Variants in MADCAM1 observed in about 807,000 individuals in gnomAD.
The protein encoded by MADCAM1 is mucosal addressin cell adhesion molecule 1.
Under a neutral mutation model 26.1 loss-of-function variants are expected in MADCAM1, and 19 were observed. The observed-to-expected ratio is 0.73, with a 90% CI of 0.51 to 1.07. MADCAM1 has a LOEUF of 1.07. Ranked by LOEUF, MADCAM1 falls within the 50% of genes least tolerant of loss-of-function variation. The pLI, the probability that MADCAM1 is intolerant of heterozygous loss-of-function variation, is 0.00. For missense variants in MADCAM1, 514 were observed against 542.1 expected, an observed-to-expected ratio of 0.95 and a Z score of 0.51; for synonymous variants, 268 against 260.9, an observed-to-expected ratio of 1.03 and a Z score of -0.26.
At position 499,560 on chromosome 19, in the gene MADCAM1, G is replaced by A. The variant is rs140012505; in HGVS notation, c.667+735G>A. Reference sequence around the variant, plus strand: ...CACAGGCACACGCGTGTACAAACACGCACACGCGTGTGAGCCCCCTTTCCC... The same window carrying A: ...CACAGGCACACGCGTGTACAAACACACACACGCGTGTGAGCCCCCTTTCCC... On this transcript the variant is annotated intron_variant, in intron 3 of 4. Coordinates refer to ENST00000215637, the MANE Select transcript of MADCAM1 (RefSeq NM_130760.3). Among the ~76,000 whole-genome samples the A allele has an allele frequency of 9.6e-3, 1,456 of 152,286 alleles. 24 individuals carry two copies. Among genetic ancestry groups the A allele is most frequent in the African/African-American group, 0.032 (1,310 of 41,526 alleles).
In MADCAM1 at chr19:501,941, T is replaced by A; in HGVS notation, c.928+12T>A. 1 of 659,034 alleles carries A rather than the reference T, an allele frequency of 1.5e-6. No individual in the cohort carries two copies. Among genetic ancestry groups the A allele is most frequent in the Non-Finnish European group, 2.5e-6 (1 of 402,910 alleles). 40.8% of individuals were successfully genotyped at this position (659,034 alleles called of 1,614,324 possible). On this transcript the variant is annotated intron_variant, in intron 4 of 4. Coordinates refer to ENST00000215637, the MANE Select transcript of MADCAM1 (RefSeq NM_130760.3). ...GATCCCAACAGGCTGTGAGTTCTGG[T>A]CCCTGGGGGCAGGGAGGGTGGGAAG...
In MADCAM1 at chr19:497,862, G is replaced by C. The variant is rs1978292804; in HGVS notation, c.82G>C (p.Val28Leu). 1.5e-6 allele frequency: 2 copies of C among 1,338,382 alleles called. No homozygotes were observed. Among genetic ancestry groups the C allele is most frequent in the African/African-American group, 3.1e-5 (2 of 64,906 alleles). 82.9% of individuals were successfully genotyped at this position (1,338,382 alleles called of 1,614,324 possible). A position where few individuals can be genotyped will look rare whatever the true frequency, so the allele number is the denominator to read the frequency against. Residue 28 changes from valine to leucine, a missense_variant, in exon 2 of 5, where the codon GTG becomes CTG. Transcript: ENST00000215637. ...GQSLQVKPLQ[V>L]EPPEPVVAVA... ...GTCCCTCCAGGTGAAGCCCCTGCAG[G>C]TGGAGCCCCCGGAGCCGGTGGTGGC...
At chr19:499,195 T>TC (rs1466828402) in intron 3 of MADCAM1, 1 of 498,840 alleles carries the variant, frequency 2.0e-6, no homozygotes, top group Non-Finnish European at 3.9e-6. Flanking sequence ...TCCTCGCTGT[T>TC]CCTCCAACAC....
Position 504,925 on chromosome 19 carries a change from G to A in MADCAM1, c.1109G>A (p.Gly370Glu), listed in dbSNP as rs768298980. The change falls in exon 5 of 5, where the codon GGG (glycine) becomes GAG (glutamate). Residue 370 changes from glycine (G) to glutamate (E), a missense_variant. Coordinates refer to ENST00000215637, the MANE Select transcript of MADCAM1 (RefSeq NM_130760.3). ...RLLPQVSAWA[G>E]LRGTGQVGIS... The stretch of plus-strand genomic sequence containing the variant: ...CTGCCCCAGGTGTCGGCCTGGGCTG[G>A]GTTAAGGGGGACCGGCCAGGTCGGG... The A allele has an allele frequency of 6.2e-7, 1 of 1,607,118 alleles. No individual in the cohort carries two copies. Among genetic ancestry groups the A allele is most frequent in the South Asian group, 1.1e-5 (1 of 90,996 alleles).
At chr19:497,105 T>G (rs909274395) in intron 1 of MADCAM1, among the ~76,000 whole-genome samples, 25 of 2,370 alleles carry the variant, frequency 0.011, no homozygotes, top group African/African-American at 0.013. Flanking sequence ...CGCAGGAGAG[T>G]GGAGGGGGCT....
At chr19:504,665 GC>G in intron 4 of MADCAM1, 79 bp from the exon 5 acceptor site, 1 of 981,578 alleles carries the variant, frequency 1.0e-6, no homozygotes, top group Non-Finnish European at 1.5e-6. Flanking sequence ...AGCACGTGTA[GC>G]CTCTGAGGGG....
chr19:502,048 C>A, intron 4 of MADCAM1, 119 bp downstream of exon 4: 2 of 1,108,238 alleles, frequency 1.8e-6, no homozygotes, highest in Non-Finnish European at 2.4e-6. Flanking sequence ...GTCTGCCCAG[C>A]CTCAGTTTCC....
rs1234746978 is a variant in MADCAM1, at chr19:501,780, C to CCTCCCAGGAGCCTCCCGACACCAG, written c.784_785insAGGAGCCTCCCGACACCAGCTCCC (p.Ser261_Pro262insGlnGluProProAspThrSerSer). On this transcript the variant is annotated inframe_insertion, in exon 4 of 5. Coordinates refer to ENST00000215637, the MANE Select transcript of MADCAM1 (RefSeq NM_130760.3). Reference sequence around the variant, plus strand: ...ACCTCCCAGGAGCCTCCCGACACCACCTCCCCGGAGCCTCCCGACAAGACC... The same window carrying CCTCCCAGGAGCCTCCCGACACCAG: ...ACCTCCCAGGAGCCTCCCGACACCACCTCCCAGGAGCCTCCCGACACCAGCTCCCCGGAGCCTCCCGACAAGACC... The CCTCCCAGGAGCCTCCCGACACCAG allele has an allele frequency of 6.3e-7, 1 of 1,585,948 alleles. No individual in the cohort carries two copies. The highest frequency in any genetic ancestry group is 1.4e-5 in the African/African-American group (1 of 73,950).
intron 1 of MADCAM1, among the ~76,000 whole-genome samples, 153 bp downstream of exon 1, chr19:496,704 T>G (rs1208687651): frequency 2.0e-3 from 1 of 494 alleles, no homozygotes; most frequent in Non-Finnish European, 3.7e-3. Flanking sequence ...CTCAGTAGAG[T>G]GGGGGGGCTC....
At chr19:500,497 A>C (rs762224477) in intron 3 of MADCAM1, among the ~76,000 whole-genome samples, 106 of 152,222 alleles carry the variant, frequency 7.0e-4, no homozygotes, top group Admixed American at 9.2e-4. Context: ...TGGGAGGCTG[A>C]GGTGGGTGGA....
intron 3 of MADCAM1, among the ~76,000 whole-genome samples, chr19:500,916 G>A (rs192088425): frequency 3.9e-5 from 6 of 152,204 alleles, no homozygotes; most frequent in East Asian, 3.9e-4. Context: ...ACAGTAAGCC[G>A]AATAGAAACA....
chr19:500,016 A>G, intron 3 of MADCAM1: 1 of 453,724 alleles, frequency 2.2e-6, no homozygotes. Flanking sequence ...GGGTGGGCAG[A>G]GAGGAGGCTG....
chr19:497,799 C>T (rs1334967057), intron 1 of MADCAM1, 34 bp from the exon 2 acceptor site: 1 of 1,262,496 alleles, frequency 7.9e-7, no homozygotes, highest in Non-Finnish European at 9.9e-7. Flanking sequence ...GTCCGGGACT[C>T]CGCGGGGCTG....
Position 504,800 on chromosome 19 carries a change from G to A in MADCAM1, c.984G>A (p.Val328=). The A allele has an allele frequency of 6.2e-7, 1 of 1,613,044 alleles. No homozygotes were observed. The highest frequency in any genetic ancestry group is 8.5e-7 in the Non-Finnish European group (1 of 1,179,976). ...CGGCTCTGTGGACCAGCAGTGCGGT[G>A]CTGGGACTGCTGCTCCTGGCCTTGC... is the stretch of plus-strand genomic sequence containing the variant. ...LPAALWTSSA[V]LGLLLLALPT... Residue 328 remains valine, a synonymous_variant, in exon 5 of 5, where the codon GTG becomes GTA. Transcript: ENST00000215637.
intron 3 of MADCAM1, among the ~76,000 whole-genome samples, chr19:500,569 A>C (rs1385260927): frequency 1.3e-5 from 2 of 152,056 alleles, no homozygotes; most frequent in Non-Finnish European, 2.9e-5. Context: ...ATCTCTATTA[A>C]AAATACAAAA....
At chr19:503,486 C>G (rs1255482209) in intron 4 of MADCAM1, among the ~76,000 whole-genome samples, 1 of 137,248 alleles carries the variant, frequency 7.3e-6, no homozygotes, top group African/African-American at 2.8e-5. Flanking sequence ...GAGGCTGAGG[C>G]AGGAGAATGG....
In MADCAM1 at chr19:504,873, A is replaced by G. The variant is rs1421990438; in HGVS notation, c.1057A>G (p.Thr353Ala). 1 of 1,612,674 alleles carries G rather than the reference A, an allele frequency of 6.2e-7. No individual in the cohort carries two copies. Among genetic ancestry groups the G allele is most frequent in the East Asian group, 2.2e-5 (1 of 44,854 alleles). The change falls in exon 5 of 5, where the codon ACC becomes GCC. Residue 353 changes from threonine (T) to alanine (A), a missense_variant. Coordinates refer to ENST00000215637, the MANE Select transcript of MADCAM1 (RefSeq NM_130760.3). ...CTGCCGGCACCTGGCTGAGGACGAC[A>G]CCCACCCACCAGCTTCTCTGAGGCT... ...KRCRHLAEDD[T>A]HPPASLRLLP...
At chr19:499,612 A>AT in intron 3 of MADCAM1, among the ~76,000 whole-genome samples, 1 of 152,234 alleles carries the variant, frequency 6.6e-6, no homozygotes, top group Non-Finnish European at 1.5e-5. Flanking sequence ...GACACCTTGG[A>AT]TAACATCTGA....
intron 3 of MADCAM1, chr19:499,791 G>T (rs1280320513): frequency 2.2e-6 from 1 of 456,420 alleles, no homozygotes; most frequent in South Asian, 1.5e-5. Flanking sequence ...GACATTTAAT[G>T]TGGGCCGGTG....
Sources: allele counts gnomAD v4.1 joint callset (sites outside exome capture counted in the v4.1 genomes callset), GRCh38; gene constraint gnomAD v4.1.1; transcripts MANE v1.5; gene names NCBI Gene and HGNC (gene_info 2026-07-23, HGNC 2026-07-21).